SHTN1: variants seen among roughly 807,000 people sequenced by gnomAD.
The protein encoded by SHTN1 is shootin 1.
A neutral mutation model predicts 83.1 loss-of-function variants in SHTN1; 42 were observed. The ratio of observed to expected loss-of-function variants is 0.51; its 90% CI spans 0.39 to 0.65. The LOEUF is 0.65. Among genes scored for constraint, SHTN1 ranks in the 30% least tolerant of loss-of-function variants. SHTN1 has a pLI of 0.00. For synonymous variants in SHTN1, 224 were observed against 247.7 expected (o/e 0.90, Z 0.90); for missense variants, 622 against 737.8 (o/e 0.84, Z 1.82).
chr10:117,085,915 CTGA>C (rs1853343739), intron 1 of SHTN1, among the ~76,000 whole-genome samples: 1 of 121,470 alleles, frequency 8.2e-6, no homozygotes, highest in Non-Finnish European at 1.7e-5. Flanking sequence ...TCTGCTTTGT[CTGA>C]TTTTTTTTTT....
chr10:117,034,864 G>T (rs914124427), intron 2 of SHTN1, among the ~76,000 whole-genome samples: 1 of 152,060 alleles, frequency 6.6e-6, no homozygotes, highest in African/African-American at 2.4e-5. Context: ...CTATATTCAT[G>T]AATTAGAATA....
chr10:116,908,267 T>C (rs1331002951), intron 14 of SHTN1, among the ~76,000 whole-genome samples: 1 of 152,200 alleles, frequency 6.6e-6, no homozygotes, highest in Non-Finnish European at 1.5e-5. Context: ...CTTAGAAGTA[T>C]CTCTTTTTAT....
At chr10:116,961,178 C>T (rs948198044) in intron 3 of SHTN1, among the ~76,000 whole-genome samples, 1 of 151,374 alleles carries the variant, frequency 6.6e-6, no homozygotes, top group Non-Finnish European at 1.5e-5. Flanking sequence ...AGGCAAAAAG[C>T]ACTGGGCTCA....
At chr10:117,103,897 A>T (rs35847720) in intron 1 of SHTN1, among the ~76,000 whole-genome samples, 5 of 152,190 alleles carry the variant, frequency 3.3e-5, no homozygotes, top group Non-Finnish European at 5.9e-5. Flanking sequence ...TTACATAGGT[A>T]AACACATGAA....
chr10:117,037,379 T>C (rs1303666906), intron 2 of SHTN1, among the ~76,000 whole-genome samples: 3 of 152,118 alleles, frequency 2.0e-5, no homozygotes, highest in African/African-American at 7.2e-5. Flanking sequence ...ATGAGATCTA[T>C]ATAAGGAAAA....
chr10:116,905,984 G>C (rs1847954466), intron 15 of SHTN1, among the ~76,000 whole-genome samples: 1 of 152,194 alleles, frequency 6.6e-6, no homozygotes, highest in South Asian at 2.1e-4. Flanking sequence ...TATAGTCAGT[G>C]ACAGAGCTGG....
At chr10:117,125,614 T>A (rs1172038543) in intron 1 of SHTN1, among the ~76,000 whole-genome samples, 1 of 152,164 alleles carries the variant, frequency 6.6e-6, no homozygotes, top group East Asian at 1.9e-4. Flanking sequence ...AGCCTTATCT[T>A]ACACCTCTAC....
chr10:116,988,307 TACACAC>T (rs372435695), intron 1 of SHTN1, among the ~76,000 whole-genome samples: 4 of 148,284 alleles, frequency 2.7e-5, no homozygotes, highest in Non-Finnish European at 4.5e-5. Flanking sequence ...AAAAAGCTAA[TACACAC>T]ACACACACAC....
chr10:116,914,523 A>G (rs1017482490), intron 13 of SHTN1, among the ~76,000 whole-genome samples: 20 of 150,936 alleles, frequency 1.3e-4, no homozygotes, highest in African/African-American at 4.2e-4. Flanking sequence ...TACTGAAGTC[A>G]TAACACTGGG....
chr10:117,034,256 A>T (rs972146150), intron 2 of SHTN1, among the ~76,000 whole-genome samples: 1 of 152,254 alleles, frequency 6.6e-6, no homozygotes, highest in Admixed American at 6.5e-5. Flanking sequence ...CCTTGTTTGC[A>T]GATGCTGTAA....
chr10:116,945,034 GAA>G lies in SHTN1; in HGVS notation c.617-18_617-17del. The G allele has an allele frequency of 1.5e-6, 2 of 1,311,928 alleles. No homozygotes were observed. Among genetic ancestry groups the G allele is most frequent in the Non-Finnish European group, 1.1e-6 (1 of 952,280 alleles). 81.3% of individuals were successfully genotyped at this position (1,311,928 alleles called of 1,614,324 possible). A position where few individuals can be genotyped will look rare whatever the true frequency, so the allele number is the denominator to read the frequency against. On this transcript the variant is annotated splice_polypyrimidine_tract_variant and intron_variant, in intron 7 of 16. Transcript: ENST00000355371. ...AACATGGACACTTAAGAAGATAAAG[GAA>G]AAAAAAAACCCAGACAATAAGTCAC...
chr10:117,106,316 G>A (rs1293983726), intron 1 of SHTN1, among the ~76,000 whole-genome samples: 1 of 151,946 alleles, frequency 6.6e-6, no homozygotes, highest in Non-Finnish European at 1.5e-5. Flanking sequence ...TTAGTTGGGC[G>A]TGATGGCGGG....
intron 2 of SHTN1, among the ~76,000 whole-genome samples, chr10:116,976,753 G>A (rs1373006342): frequency 1.3e-5 from 2 of 151,882 alleles, no homozygotes; most frequent in Non-Finnish European, 2.9e-5. Context: ...CTTTTTTGAG[G>A]AAAAACCTGC....
intron 1 of SHTN1, among the ~76,000 whole-genome samples, chr10:117,066,775 T>C (rs1212772563): frequency 2.0e-5 from 3 of 152,224 alleles, no homozygotes; most frequent in African/African-American, 7.2e-5. Flanking sequence ...AAGACTTCTT[T>C]CATTCAACTG....
At chr10:117,009,771 G>T (rs967194569), upstream of SHTN1, among the ~76,000 whole-genome samples, 1 of 151,994 alleles carries the variant, frequency 6.6e-6, no homozygotes, top group African/African-American at 2.4e-5. Flanking sequence ...GGGCGTGGTG[G>T]CGGGCGCCTG....
chr10:116,893,592 A>ACACACACACACACACACACACACACACC (rs1847414413), intron 16 of SHTN1, among the ~76,000 whole-genome samples: 1 of 151,436 alleles, frequency 6.6e-6, no homozygotes, highest in Admixed American at 6.6e-5. Context: ...ACACACACAC[A>ACACACACACACACACACACACACACACC]CACACGAGAA....
rs141192499 is a variant in SHTN1, at chr10:116,915,354, A to G, written c.1305+21T>C. ...AAAAGGAAATATCAAACAGGGAAAAAAGCATTCAGTCACTCCATACCTTTG... is the reference window on the plus strand; with the variant it reads ...AAAAGGAAATATCAAACAGGGAAAAGAGCATTCAGTCACTCCATACCTTTG... On this transcript the variant is annotated intron_variant, in intron 13 of 16. Coordinates refer to ENST00000355371, the MANE Select transcript of SHTN1 (RefSeq NM_001127211.3). 2,342 of 1,242,188 alleles carry G rather than the reference A, an allele frequency of 1.9e-3. 32 individuals are homozygous for G. In the African/African-American group the frequency reaches 0.027, roughly 14 times the overall value. The allele number at this position is 1,242,188 out of a possible 1,614,324, so 76.9% of individuals were successfully genotyped here. A position where few individuals can be genotyped will look rare whatever the true frequency, so the allele number is the denominator to read the frequency against.
rs180811336 is a variant in SHTN1, at chr10:117,121,524, A to G, written c.-189+4783T>C. On this transcript the variant is annotated intron_variant, in intron 1 of 17. Transcript: ENST00000392901. ...AGCCCCAGAGACGGAGGTTGCAGTG[A>G]GCTGAGATCATGCCACTATACTCCA... 8.8e-3 allele frequency among the ~76,000 whole-genome samples: 1,333 copies of G among 151,398 alleles called. 9 individuals carry two copies. Among genetic ancestry groups the G allele is most frequent in the South Asian group, 0.045 (216 of 4,770 alleles).
intron 1 of SHTN1, among the ~76,000 whole-genome samples, chr10:117,002,447 G>T (rs1055954160): frequency 6.6e-6 from 1 of 152,052 alleles, no homozygotes; most frequent in African/African-American, 2.4e-5. Flanking sequence ...GATAAATAGT[G>T]GTTCTTCTTG....
Sources: gnomAD v4.1 joint callset for allele counts (sites outside exome capture counted in the v4.1 genomes callset) on GRCh38, gnomAD v4.1.1 for gene constraint, MANE v1.5 for transcripts, NCBI Gene and HGNC (gene_info 2026-07-23, HGNC 2026-07-21) for gene names.